Variants in HYDIN observed in about 807,000 individuals in gnomAD.
The protein encoded by HYDIN is axonemal central pair apparatus protein HYDIN.
A neutral mutation model predicts 403.9 loss-of-function variants in HYDIN; 132 were observed. The observed-to-expected ratio is 0.33, with a 90% CI of 0.28 to 0.38. The LOEUF (loss-of-function observed/expected upper bound fraction) is 0.38. Among genes scored for constraint, HYDIN ranks in the 10% least tolerant of loss-of-function variants. HYDIN has a pLI of 1.00. For synonymous variants in HYDIN, 1,202 were observed against 1,891.7 expected (o/e 0.64, Z 9.46); for missense variants, 2,827 against 5,009.5 (o/e 0.56, Z 13.15).
At chr16:71,211,412 G>A (rs980778339) in intron 1 of HYDIN, among the ~76,000 whole-genome samples, 7 of 150,992 alleles carry the variant, frequency 4.6e-5, no homozygotes, top group East Asian at 2.0e-4. Flanking sequence ...AGGCCAAGGC[G>A]GGCGGATCAC....
At chr16:71,184,075 G>T (rs897832442) in intron 3 of HYDIN, among the ~76,000 whole-genome samples, 2 of 152,090 alleles carry the variant, frequency 1.3e-5, no homozygotes, top group Non-Finnish European at 2.9e-5. Context: ...GCAATGCTCA[G>T]AACAGTGAAG....
At chr16:71,146,140 T>C (rs1360999296) in intron 7 of HYDIN, among the ~76,000 whole-genome samples, 2 of 152,252 alleles carry the variant, frequency 1.3e-5, no homozygotes, top group African/African-American at 4.8e-5. Flanking sequence ...AAATAAACAA[T>C]TATTTTAAAG....
chr16:70,926,636 TAAAGAGACA>T (rs1259229092), intron 45 of HYDIN, among the ~76,000 whole-genome samples: 1 of 151,228 alleles, frequency 6.6e-6, no homozygotes, highest in African/African-American at 2.4e-5. Context: ...ACTTGGCATC[TAAAGAGACA>T]AAACCATGTG....
At chr16:71,040,488 C>T (rs1047823309) in intron 18 of HYDIN, among the ~76,000 whole-genome samples, 4 of 138,628 alleles carry the variant, frequency 2.9e-5, no homozygotes, top group Non-Finnish European at 6.3e-5. Context: ...CCTCCCCGCA[C>T]CCCCCTCCCC....
At chr16:70,955,978 C>T (rs2078222704) in intron 39 of HYDIN, among the ~76,000 whole-genome samples, 2 of 152,062 alleles carry the variant, frequency 1.3e-5, no homozygotes, top group African/African-American at 4.8e-5. Context: ...ACCACCATAT[C>T]TGGTTAATTT....
chr16:71,140,991 T>C (rs1034435380), intron 7 of HYDIN, among the ~76,000 whole-genome samples: 1 of 151,506 alleles, frequency 6.6e-6, no homozygotes, highest in African/African-American at 2.4e-5. Context: ...GGAAAAAAAA[T>C]GGTATGATCC....
In HYDIN at chr16:70,902,794, A is replaced by AATATAT. The variant is rs1264288990; in HGVS notation, c.8849+825_8849+830dup. Among the ~76,000 whole-genome samples the AATATAT allele has an allele frequency of 4.8e-3, 294 of 60,750 alleles. 1 individual carries two copies. The highest frequency in any genetic ancestry group is 0.01 in the African/African-American group (97 of 9,668). 39.9% of individuals were successfully genotyped at this position (60,750 alleles called of 152,430 possible). Reference sequence around the variant, plus strand: ...TTGGGAAAGTTCCATCTACTCTTTAAATATATATATATATATATATATATA... The same window carrying AATATAT: ...TTGGGAAAGTTCCATCTACTCTTTAAATATATATATATATATATATATATATATATA... On this transcript the variant is annotated intron_variant, in intron 52 of 85. Transcript: ENST00000393567.
intron 1 of HYDIN, among the ~76,000 whole-genome samples, chr16:71,227,952 C>T (rs1165875445): frequency 6.6e-6 from 1 of 152,002 alleles, no homozygotes; most frequent in African/African-American, 2.4e-5. Context: ...GGCACTGGTA[C>T]CAAAACAGAG....
At chr16:70,883,830 C>A (rs2040959107) in intron 59 of HYDIN, 90 bp downstream of exon 59, 1 of 1,499,570 alleles carries the variant, frequency 6.7e-7, no homozygotes, top group Non-Finnish European at 9.1e-7. Context: ...CTTGGCCTCC[C>A]AAAGTGCTGG....
chr16:71,024,860 C>A (rs1012265672), intron 21 of HYDIN, among the ~76,000 whole-genome samples: 1 of 151,952 alleles, frequency 6.6e-6, no homozygotes, highest in African/African-American at 2.4e-5. Context: ...TCCAGCTTAA[C>A]CTGTATCTCA....
At chr16:70,924,803 G>A (rs1473261138) in intron 45 of HYDIN, among the ~76,000 whole-genome samples, 1 of 83,512 alleles carries the variant, frequency 1.2e-5, no homozygotes, top group Non-Finnish European at 2.4e-5. Flanking sequence ...GTCTGTCAGG[G>A]GTTGGGGGGC....
At chr16:71,172,933 A>G (rs1859088) in intron 5 of HYDIN, among the ~76,000 whole-genome samples, 105,710 of 152,110 alleles carry the variant, frequency 0.69, 38,440 homozygotes, top group African/African-American at 0.92. Context: ...CTAGTCACTC[A>G]TTGGCTGCAT....
At position 70,904,478 on chromosome 16, in the gene HYDIN, C is replaced by CTTTTTTTTTTTTTTTT. The variant is rs76148650; in HGVS notation, c.8517-430_8517-415dup. On this transcript the variant is annotated intron_variant, in intron 50 of 85. Transcript: ENST00000393567. Reference sequence around the variant, plus strand: ...CTGAGAGAGATTATCACTTGAGTAACTTTTTTTTTTTTTTTTTTTTTTTTT... The same window carrying CTTTTTTTTTTTTTTTT: ...CTGAGAGAGATTATCACTTGAGTAACTTTTTTTTTTTTTTTTTTTTTTTTTTTTTTTTTTTTTTTTT... 1.6e-4 allele frequency among the ~76,000 whole-genome samples: 4 copies of CTTTTTTTTTTTTTTTT among 25,218 alleles called. 1 individual carries two copies. Among genetic ancestry groups the CTTTTTTTTTTTTTTTT allele is most frequent in the Non-Finnish European group, 2.9e-4 (3 of 10,478 alleles). 16.5% of individuals were successfully genotyped at this position (25,218 alleles called of 152,430 possible). A position where few individuals can be genotyped will look rare whatever the true frequency, so the allele number is the denominator to read the frequency against.
At chr16:70,993,764 ATTG>A (rs1472283308) in intron 23 of HYDIN, among the ~76,000 whole-genome samples, 1 of 149,258 alleles carries the variant, frequency 6.7e-6, no homozygotes, top group African/African-American at 2.5e-5. Flanking sequence ...GTTTTCCAAA[ATTG>A]TTGTACCACT....
chr16:71,043,695 G>A (rs959242489), intron 18 of HYDIN, among the ~76,000 whole-genome samples: 2 of 149,306 alleles, frequency 1.3e-5, no homozygotes, highest in African/African-American at 4.9e-5. Flanking sequence ...TTCTTGTATT[G>A]TATTTATTTT....
intron 85 of HYDIN, among the ~76,000 whole-genome samples, chr16:70,808,825 T>C (rs964335825): frequency 3.3e-5 from 5 of 152,132 alleles, no homozygotes; most frequent in Non-Finnish European, 5.9e-5. Context: ...CATGGAATAT[T>C]AGTAGAGGTG....
chr16:71,161,327 A>G (rs1209436432), intron 6 of HYDIN, among the ~76,000 whole-genome samples: 1 of 152,216 alleles, frequency 6.6e-6, no homozygotes, highest in East Asian at 1.9e-4. Context: ...AAATACAGAT[A>G]AAGCTTTGCT....
intron 28 of HYDIN, among the ~76,000 whole-genome samples, chr16:70,983,731 A>G (rs1449724047): frequency 3.4e-5 from 5 of 147,712 alleles, no homozygotes; most frequent in Non-Finnish European, 7.4e-5. Flanking sequence ...CGTGATTCAA[A>G]AAAACCTCAA....
intron 5 of HYDIN, among the ~76,000 whole-genome samples, chr16:71,171,187 A>G (rs1038007505): frequency 6.6e-6 from 1 of 152,078 alleles, no homozygotes; most frequent in African/African-American, 2.4e-5. Flanking sequence ...AGGCCTTTGC[A>G]CTTGCTGTTC....
Sources: gnomAD v4.1 joint callset for allele counts (sites outside exome capture counted in the v4.1 genomes callset) on GRCh38, gnomAD v4.1.1 for gene constraint, MANE v1.5 for transcripts, NCBI Gene and HGNC (gene_info 2026-07-23, HGNC 2026-07-21) for gene names.